CDH26: variants seen among roughly 807,000 people sequenced by gnomAD.
CDH26 encodes the protein cadherin 26.
Under a neutral mutation model 90.3 loss-of-function variants are expected in CDH26, and 83 were observed. That is an observed-to-expected ratio of 0.92 (90% confidence interval 0.77 to 1.10). The LOEUF is 1.10. Among genes scored for constraint, CDH26 ranks in the 50% least tolerant of loss-of-function variants. The pLI is 0.00. For missense variants in CDH26, 1,013 were observed against 1,037.6 expected (o/e 0.98, Z 0.33); for synonymous variants, 397 against 396.3 (o/e 1.00, Z -0.02).
intron 4 of CDH26, among the ~76,000 whole-genome samples, chr20:59,975,633 T>C (rs1380520355): frequency 6.6e-6 from 1 of 152,202 alleles, no homozygotes; most frequent in Non-Finnish European, 1.5e-5. Flanking sequence ...ACATGTCCTA[T>C]AAATTAGGAC....
At chr20:59,960,259 A>G (rs2061051359) in intron 1 of CDH26, among the ~76,000 whole-genome samples, 1 of 152,074 alleles carries the variant, frequency 6.6e-6, no homozygotes, top group Admixed American at 6.5e-5. Flanking sequence ...TGTTAAGCCT[A>G]TTTTTCTTCA....
chr20:60,012,735 A>T lies in CDH26; in HGVS notation c.*5A>T, dbSNP rs1158083807. The T allele has an allele frequency of 6.2e-7, 1 of 1,612,596 alleles. No individual in the cohort carries two copies. Among genetic ancestry groups the T allele is most frequent in the East Asian group, 2.2e-5 (1 of 44,874 alleles). The stretch of plus-strand genomic sequence containing the variant: ...GAGTCAGGTGTTCCTTCCTAAAAAA[A>T]AAAGTCTATTTTGGAGAATTGAAAT... On this transcript the variant is annotated 3_prime_UTR_variant, in exon 18 of 18. Transcript: ENST00000348616.
intron 7 of CDH26, among the ~76,000 whole-genome samples, chr20:60,019,603 C>A (rs760149785): frequency 3.3e-5 from 5 of 152,044 alleles, no homozygotes; most frequent in Non-Finnish European, 5.9e-5. Context: ...AGAAATTGCT[C>A]CTTGATTTTG....
rs140055156 is a variant in CDH26 at position 60,001,411 on chromosome 20, G to C, written c.2166G>C (p.Trp722Cys). The C allele has an allele frequency of 6.2e-7, 1 of 1,613,574 alleles. No homozygotes were observed. The highest frequency in any genetic ancestry group is 2.2e-5 in the East Asian group (1 of 44,856). ...AAGCACGCTGTGCTCTGGGGAGCTG[G>C]GTGAGTTCCAGAAGGTTGCTCCCTG... ...SAQARCALGS[W>C]GYGKPFEPRS... Residue 722 changes from tryptophan to cysteine, a missense_variant and splice_region_variant, in exon 15 of 18, where the codon TGG becomes TGC. Physicochemically the swap from Trp to Cys is radical, Grantham distance 215. Coordinates refer to ENST00000348616, the MANE Select transcript of CDH26 (RefSeq NM_177980.4).
chr20:60,011,678 G>A (rs1344244606), intron 17 of CDH26, among the ~76,000 whole-genome samples: 4 of 152,296 alleles, frequency 2.6e-5, no homozygotes, highest in Middle Eastern at 3.4e-3. Context: ...ACAACAGGTG[G>A]TGTGCTGGAT....
chr20:59,968,662 C>T (rs1020728587), intron 1 of CDH26, among the ~76,000 whole-genome samples: 2 of 152,128 alleles, frequency 1.3e-5, no homozygotes, highest in Admixed American at 6.5e-5. Flanking sequence ...CAGCTGTGCT[C>T]ATCCTGAATA....
rs542370493 is a variant in CDH26 at position 59,984,876 on chromosome 20, A to G, written c.708+71A>G. 7 of 1,562,806 alleles carry G rather than the reference A, an allele frequency of 4.5e-6. No homozygotes were observed. In the African/African-American group the frequency reaches 8.2e-5, roughly 18 times the overall value. On this transcript the variant is annotated intron_variant, in intron 6 of 17. Coordinates refer to ENST00000348616, the MANE Select transcript of CDH26 (RefSeq NM_177980.4). The stretch of plus-strand genomic sequence containing the variant: ...TCCTTGAGCCCCAGGCTTAGATTCT[A>G]CATTTGTAGTGGGGAACCCTCTGTG...
In CDH26 at chr20:60,021,867, C is replaced by CACACACAT. The variant is rs1555903637; in HGVS notation, c.948-9357_948-9356insTACACACA. Reference sequence around the variant, plus strand: ...TTATCTGTACACACACACACACACACACACACACACACACACACACACACA... The same window carrying CACACACAT: ...TTATCTGTACACACACACACACACACACACACATACACACACACACACACACACACACA... On this transcript the variant is annotated intron_variant, in intron 7 of 8. Transcript: ENST00000370991. Among the ~76,000 whole-genome samples the CACACACAT allele has an allele frequency of 1.4e-4, 13 of 90,444 alleles. 2 individuals are homozygous for CACACACAT. Among genetic ancestry groups the CACACACAT allele is most frequent in the African/African-American group, 2.6e-4 (7 of 27,114 alleles). 59.3% of individuals were successfully genotyped at this position (90,444 alleles called of 152,430 possible). A position where few individuals can be genotyped will look rare whatever the true frequency, so the allele number is the denominator to read the frequency against.
intron 1 of CDH26, among the ~76,000 whole-genome samples, chr20:59,965,952 T>C (rs1404688419): frequency 3.3e-5 from 5 of 152,176 alleles, no homozygotes; most frequent in Admixed American, 3.3e-4. Context: ...TGTGTGGACA[T>C]ATTTCAGCCT....
intron 1 of CDH26, among the ~76,000 whole-genome samples, chr20:59,966,428 T>C (rs1288750218): frequency 6.6e-6 from 1 of 152,242 alleles, no homozygotes; most frequent in East Asian, 1.9e-4. Flanking sequence ...TAATATTTTT[T>C]ACTACTTCAT....
In CDH26 at chr20:59,985,111, T is replaced by C. The variant is rs1169898336; in HGVS notation, c.819T>C (p.Pro273=). The C allele has an allele frequency of 6.2e-7, 1 of 1,613,726 alleles. No individual in the cohort carries two copies. Among genetic ancestry groups the C allele is most frequent in the East Asian group, 2.2e-5 (1 of 44,868 alleles). ...VDVQEGNNHR[P]AFTQENYKVQ... is the part of the protein sequence containing the mutation. ...TGCAAGAAGGCAACAACCACAGGCC[T>C]GCATTTACCCAGGAGAACGTGAGGC... Residue 273 remains proline (P), a synonymous_variant, in exon 7 of 18, where the codon CCT becomes CCC. Transcript: ENST00000348616.
chr20:60,024,392 G>A (rs910055736), intron 7 of CDH26, among the ~76,000 whole-genome samples: 10 of 152,222 alleles, frequency 6.6e-5, no homozygotes, highest in African/African-American at 7.2e-5. Context: ...ATTTGCTCAC[G>A]TGTGTAGATG....
intron 15 of CDH26, 81 bp downstream of exon 15, chr20:60,001,492 A>G: frequency 1.3e-6 from 2 of 1,554,164 alleles, no homozygotes; most frequent in Admixed American, 1.9e-5. Flanking sequence ...GGGCCGTTGT[A>G]GAAGATTCGG....
At chr20:59,976,736 C>T (rs559919513) in intron 4 of CDH26, among the ~76,000 whole-genome samples, 55 of 152,256 alleles carry the variant, frequency 3.6e-4, no homozygotes, top group African/African-American at 1.3e-3. Flanking sequence ...AGGAGGAGCA[C>T]TGACCTGCGC....
In CDH26 at chr20:60,002,765, C is replaced by A. The variant is rs897084717; in HGVS notation, c.2167-48C>A. On this transcript the variant is annotated intron_variant, in intron 15 of 17. Coordinates refer to ENST00000348616, the MANE Select transcript of CDH26 (RefSeq NM_177980.4). Reference sequence around the variant, plus strand: ...AGAATTTCTAGTTATGTATTTGCATCCTTTGGTAATTTATTTGAAATCAGT... The same window carrying A: ...AGAATTTCTAGTTATGTATTTGCATACTTTGGTAATTTATTTGAAATCAGT... The A allele has an allele frequency of 2.7e-6, 4 of 1,457,214 alleles. No individual in the cohort carries two copies. The African/African-American group carries it at 4.2e-5, about 15-fold the overall frequency. The allele number at this position is 1,457,214 out of a possible 1,614,324, so 90.3% of individuals were successfully genotyped here.
intron 17 of CDH26, among the ~76,000 whole-genome samples, chr20:60,010,189 G>A (rs777774528): frequency 1.3e-5 from 2 of 152,106 alleles, no homozygotes; most frequent in Non-Finnish European, 2.9e-5. Context: ...TGGGTGGGGC[G>A]GGGCGGGGGG....
At chr20:59,987,088 T>G (rs1601141753) in intron 7 of CDH26, among the ~76,000 whole-genome samples, 1 of 152,340 alleles carries the variant, frequency 6.6e-6, no homozygotes, top group African/African-American at 2.4e-5. Flanking sequence ...TGTCCTATTT[T>G]AGGGGAAGAG....
At chr20:59,984,149 T>C (rs2145985412) in intron 5 of CDH26, among the ~76,000 whole-genome samples, 1 of 152,352 alleles carries the variant, frequency 6.6e-6, no homozygotes, top group African/African-American at 2.4e-5. Context: ...ATGCTTGGTG[T>C]GTTGTTGGTC....
At chr20:59,959,838 G>T (rs2061045055) in intron 1 of CDH26, among the ~76,000 whole-genome samples, 1 of 152,208 alleles carries the variant, frequency 6.6e-6, no homozygotes, top group Non-Finnish European at 1.5e-5. Context: ...TGTTTAAATG[G>T]GAATACAAAC....
Sources: gnomAD v4.1 joint callset for allele counts (sites outside exome capture counted in the v4.1 genomes callset) on GRCh38, gnomAD v4.1.1 for gene constraint, MANE v1.5 for transcripts, NCBI Gene and HGNC (gene_info 2026-07-23, HGNC 2026-07-21) for gene names.